Variants in PAPSS1 observed in about 807,000 individuals in gnomAD.
PAPSS1 encodes bifunctional 3'-phosphoadenosine 5'-phosphosulfate synthase 1.
PAPSS1 carries 50 observed loss-of-function variants against 72.0 expected under a neutral mutation model. That is an observed-to-expected ratio of 0.69 (90% CI 0.55 to 0.88). PAPSS1 has a LOEUF of 0.88. PAPSS1 is among the 40% of genes least tolerant of loss of function. The probability of loss-of-function intolerance (pLI) is 0.00; values close to 1 mark genes in which losing one functional copy is unlikely to be tolerated. For synonymous variants in PAPSS1, 261 were observed against 263.6 expected, an observed-to-expected ratio of 0.99 and a Z score of 0.09; for missense variants, 657 against 782.2, an observed-to-expected ratio of 0.84 and a Z score of 1.91.
Position 107,684,989 on chromosome 4 carries a change from T to TCTGC in PAPSS1, c.550+2046_550+2049dup, listed in dbSNP as rs367573006. Reference sequence around the variant, plus strand: ...GGCACAATTTCGGCTCACTGCAAGCTCTGCCTCCTGTGTTCACGCCATTCT... The same window carrying TCTGC: ...GGCACAATTTCGGCTCACTGCAAGCTCTGCCTGCCTCCTGTGTTCACGCCATTCT... On this transcript the variant is annotated intron_variant, in intron 4 of 11. Coordinates refer to ENST00000265174, the MANE Select transcript of PAPSS1 (RefSeq NM_005443.5). Among the ~76,000 whole-genome samples, 168 of 152,266 alleles carry TCTGC rather than the reference T, an allele frequency of 1.1e-3. 1 individual carries two copies. Among genetic ancestry groups the TCTGC allele is most frequent in the African/African-American group, 3.8e-3 (158 of 41,562 alleles).
intron 5 of PAPSS1, among the ~76,000 whole-genome samples, chr4:107,681,444 A>G (rs1722604352): frequency 6.6e-6 from 1 of 152,166 alleles, no homozygotes; most frequent in African/African-American, 2.4e-5. Flanking sequence ...AAAAACCCAG[A>G]CTAAAGTCTG....
chr4:107,633,221 A>C (rs1023521479), intron 10 of PAPSS1, among the ~76,000 whole-genome samples: 1 of 152,232 alleles, frequency 6.6e-6, no homozygotes, highest in African/African-American at 2.4e-5. Context: ...CAGTGATATC[A>C]ACATTTTTGA....
chr4:107,659,358 T>A (rs1667804960), intron 6 of PAPSS1, among the ~76,000 whole-genome samples: 1 of 152,242 alleles, frequency 6.6e-6, no homozygotes, highest in African/African-American at 2.4e-5. Context: ...AAAGAAAGGA[T>A]GGGGAATCTA....
At chr4:107,715,246 C>T (rs1286386208) in intron 1 of PAPSS1, among the ~76,000 whole-genome samples, 1 of 152,154 alleles carries the variant, frequency 6.6e-6, no homozygotes, top group Non-Finnish European at 1.5e-5. Flanking sequence ...GATCGTGAAC[C>T]GGACAACACA....
chr4:107,672,327 G>C (rs537391197), intron 5 of PAPSS1, among the ~76,000 whole-genome samples: 2 of 152,334 alleles, frequency 1.3e-5, no homozygotes, highest in South Asian at 2.1e-4. Context: ...TCAAAGAAAG[G>C]GGTGACACAC....
intron 10 of PAPSS1, among the ~76,000 whole-genome samples, chr4:107,634,388 TGACAAG>T (rs1726305738): frequency 6.6e-6 from 1 of 152,106 alleles, no homozygotes; most frequent in Admixed American, 6.6e-5. Context: ...CAGGGGCTAA[TGACAAG>T]GCATCACGTA....
intron 6 of PAPSS1, among the ~76,000 whole-genome samples, chr4:107,657,639 T>C (rs1375079409): frequency 1.3e-5 from 2 of 151,720 alleles, no homozygotes; most frequent in Admixed American, 1.3e-4. Context: ...GAGGATTGCT[T>C]GGGCCAGGAA....
intron 1 of PAPSS1, 176 bp downstream of exon 1, chr4:107,719,944 C>T: frequency 7.2e-7 from 1 of 1,385,814 alleles, no homozygotes; most frequent in Non-Finnish European, 9.3e-7. Context: ...TGCGCCGCGC[C>T]CCTCTGCCTC....
intron 5 of PAPSS1, among the ~76,000 whole-genome samples, chr4:107,667,484 G>A (rs574009415): frequency 1.6e-4 from 24 of 152,248 alleles, no homozygotes; most frequent in African/African-American, 3.6e-4. Context: ...TTGGGCTGGC[G>A]TCTAAAACAG....
At chr4:107,684,231 G>C (rs1722713161) in intron 4 of PAPSS1, among the ~76,000 whole-genome samples, 1 of 152,020 alleles carries the variant, frequency 6.6e-6, no homozygotes, top group African/African-American at 2.4e-5. Context: ...TTTTTATCTT[G>C]CCCAAATTCC....
At chr4:107,643,872 T>A (rs1726625302) in intron 10 of PAPSS1, among the ~76,000 whole-genome samples, 1 of 152,184 alleles carries the variant, frequency 6.6e-6, no homozygotes, top group Non-Finnish European at 1.5e-5. Flanking sequence ...CTCATATATA[T>A]ATTATATTTC....
At position 107,673,041 on chromosome 4, in the gene PAPSS1, C is replaced by T. The variant is rs544514748; in HGVS notation, c.669+8974G>A. Among the ~76,000 whole-genome samples, 297 of 152,242 alleles carry T rather than the reference C, an allele frequency of 2.0e-3. 2 individuals carry two copies. The highest frequency in any genetic ancestry group is 6.5e-3 in the African/African-American group (269 of 41,528). On this transcript the variant is annotated intron_variant, in intron 5 of 11. Transcript: ENST00000265174. ...AAAACTAACAAACAGAAAGGACATC[C>T]ACACCAAAACCCCATCTGTACGTCA...
Position 107,657,051 on chromosome 4 carries a change from A to G in PAPSS1, c.784-44T>C, listed in dbSNP as rs754788410. On this transcript the variant is annotated intron_variant, in intron 6 of 11. Coordinates refer to ENST00000265174, the MANE Select transcript of PAPSS1 (RefSeq NM_005443.5). ...AAGCAAAATTTTCTATTGCATGTAT[A>G]TATGAGCAAAAGCAGTGATGACCTT... 1.9e-5 allele frequency: 23 copies of G among 1,218,768 alleles called. 1 individual carries two copies. The South Asian group carries it at 2.6e-4, about 14-fold the overall frequency. The allele number at this position is 1,218,768 out of a possible 1,614,324, so 75.5% of individuals were successfully genotyped here.
At chr4:107,692,255 C>A (rs1353308445) in intron 3 of PAPSS1, among the ~76,000 whole-genome samples, 1 of 151,960 alleles carries the variant, frequency 6.6e-6, no homozygotes, top group Non-Finnish European at 1.5e-5. Context: ...AGTGAACAGA[C>A]AACCTACAGA....
chr4:107,700,443 C>A (rs1342913787), intron 2 of PAPSS1, among the ~76,000 whole-genome samples: 3 of 152,204 alleles, frequency 2.0e-5, no homozygotes, highest in African/African-American at 7.2e-5. Flanking sequence ...CAATCAAAGG[C>A]CATAGCAAAA....
chr4:107,652,298 A>T (rs1473565174), intron 9 of PAPSS1, among the ~76,000 whole-genome samples: 1 of 152,160 alleles, frequency 6.6e-6, no homozygotes, highest in Non-Finnish European at 1.5e-5. Context: ...TTAAGGCTTA[A>T]AAAAGCCTCC....
intron 5 of PAPSS1, among the ~76,000 whole-genome samples, chr4:107,672,816 G>A (rs990161726): frequency 5.9e-5 from 9 of 152,200 alleles, no homozygotes; most frequent in African/African-American, 1.9e-4. Context: ...CCCCCCAGTA[G>A]GGGCAGACTG....
At chr4:107,656,846 T>A (rs773275658) in intron 7 of PAPSS1, 50 bp downstream of exon 7, 7 of 1,246,882 alleles carry the variant, frequency 5.6e-6, no homozygotes, top group Admixed American at 3.4e-5. Flanking sequence ...TCTGCAACTA[T>A]GTAATTTCTC....
chr4:107,629,608 G>A (rs1726181211), intron 11 of PAPSS1, among the ~76,000 whole-genome samples: 1 of 152,114 alleles, frequency 6.6e-6, no homozygotes, highest in South Asian at 2.1e-4. Context: ...AAGAACTGAG[G>A]GAGGAGATCA....
Sources: allele counts gnomAD v4.1 joint callset (sites outside exome capture counted in the v4.1 genomes callset), GRCh38; gene constraint gnomAD v4.1.1; transcripts MANE v1.5; gene names NCBI Gene and HGNC (gene_info 2026-07-23, HGNC 2026-07-21).